The following DDX5 variants were observed in gnomAD, a reference collection of about 807,000 sequenced individuals.
The protein encoded by DDX5 is DEAD-box helicase 5, also known as probable ATP-dependent RNA helicase DDX5.
In DDX5, 6 loss-of-function variants were observed where a neutral mutation model predicts 68.6. The observed-to-expected ratio is 0.09, with a 90% CI of 0.05 to 0.17. The LOEUF (loss-of-function observed/expected upper bound fraction) is 0.17. Among genes scored for constraint, DDX5 ranks in the 10% least tolerant of loss-of-function variants. DDX5 has a pLI of 1.00. For synonymous variants in DDX5, 350 were observed against 247.0 expected, an observed-to-expected ratio of 1.42 and a Z score of -3.91; for missense variants, 499 against 756.1, an observed-to-expected ratio of 0.66 and a Z score of 3.99.
chr17:64,503,680 G>A (rs2038353565), intron 5 of DDX5, 109 bp from the exon 6 acceptor site: 3 of 1,537,430 alleles, frequency 2.0e-6, no homozygotes, highest in Admixed American at 1.9e-5. Context: ...ACCCAAAACA[G>A]CTCCAGCTGA....
At position 64,499,832 on chromosome 17, in the gene DDX5, T is replaced by C. The variant is rs2038250161; in HGVS notation, c.*91A>G. The stretch of plus-strand genomic sequence containing the variant: ...GCTGCACTGCAGTCATTTCTGCAAT[T>C]CCCATGTTTCTTAAATAACTATCTT... On this transcript the variant is annotated 3_prime_UTR_variant, in exon 13 of 13. Transcript: ENST00000225792. 3 of 1,265,904 alleles carry C rather than the reference T, an allele frequency of 2.4e-6. No individual in the cohort carries two copies. In the South Asian group the frequency reaches 5.1e-5, roughly 22 times the overall value. The allele number at this position is 1,265,904 out of a possible 1,614,324, so 78.4% of individuals were successfully genotyped here. A position where few individuals can be genotyped will look rare whatever the true frequency, so the allele number is the denominator to read the frequency against.
Position 64,499,224 on chromosome 17 carries a change from GCTT to G in DDX5, c.*696_*698del, listed in dbSNP as rs557024375. ...CTCTTGAAAAAGCCAGTTATTTGGA[GCTT>G]TTTAAATTATAAACTTTGAAAAAGT... On this transcript the variant is annotated 3_prime_UTR_variant, in exon 13 of 13. Coordinates refer to ENST00000225792, the MANE Select transcript of DDX5 (RefSeq NM_004396.5). 2.2e-4 allele frequency among the ~76,000 whole-genome samples: 33 copies of G among 152,274 alleles called. No individual in the cohort carries two copies. Among genetic ancestry groups the G allele is most frequent in the Non-Finnish European group, 4.6e-4 (31 of 68,016 alleles).
rs564959893 is a variant in DDX5 at position 64,504,335 on chromosome 17, AAC to A, written c.211-19_211-18del. The A allele has an allele frequency of 1.1e-4, 182 of 1,604,728 alleles. No individual in the cohort carries two copies. In the African/African-American group the frequency reaches 2.0e-3, roughly 17 times the overall value. ...CACCTCTTGCTGCAAAACAAATTAT[AAC>A]AGTCTTAAAATTCATGACAACCACC... On this transcript the variant is annotated intron_variant, in intron 2 of 12. Transcript: ENST00000225792.
chr17:64,501,795 C>T, intron 11 of DDX5: 1 of 587,088 alleles, frequency 1.7e-6, no homozygotes, highest in South Asian at 2.2e-5. Context: ...GCTTTTTCAC[C>T]TCTCTAATCG....
chr17:64,506,504 T>C (rs78841668), upstream of DDX5: 867 of 830,212 alleles, frequency 1.0e-3, 8 homozygotes, highest in East Asian at 0.024. Context: ...CTGCACTCTC[T>C]TGACCTCACC....
chr17:64,506,600 T>C, upstream of DDX5: 1 of 393,290 alleles, frequency 2.5e-6, no homozygotes, highest in South Asian at 2.8e-5. Context: ...CGGAGATGTT[T>C]ACGTCTCCAA....
In DDX5 at chr17:64,504,318, G is replaced by C. The variant is rs1598151735; in HGVS notation, c.211C>G (p.Gln71Glu). 3 of 1,612,746 alleles carry C rather than the reference G, an allele frequency of 1.9e-6. No individual in the cohort carries two copies. Among genetic ancestry groups the C allele is most frequent in the East Asian group, 2.2e-5 (1 of 44,866 alleles). The part of the protein sequence containing the change: ...EHPDLARRTA[Q>E]EVETYRRSKE... ...CTTCTTCTGTATGTTTCCACCTCTTGCTGCAAAACAAATTATAACAGTCTT... is the reference window on the plus strand; with the variant it reads ...CTTCTTCTGTATGTTTCCACCTCTTCCTGCAAAACAAATTATAACAGTCTT... Residue 71 changes from glutamine to glutamate, a missense_variant and splice_region_variant, in exon 3 of 13, where the codon CAA (glutamine) becomes GAA (glutamate). By Grantham distance (29) the Gln-to-Glu change is conservative (BLOSUM62 2). Around this residue, in one of 5 missense-constraint regions of DDX5, gnomAD observed 140 missense variants for 135.7 expected, o/e 1.03. Coordinates refer to ENST00000225792, the MANE Select transcript of DDX5 (RefSeq NM_004396.5).
rs781815210 is a variant in DDX5, at chr17:64,503,947, T to C, written c.441+36A>G. On this transcript the variant is annotated intron_variant, in intron 4 of 12. Coordinates refer to ENST00000225792, the MANE Select transcript of DDX5 (RefSeq NM_004396.5). ...TAAATTACCATTACATTTTCTTGCA[T>C]ATATCAGATCAACTCAAGAGTTCTC... 21 of 1,614,050 alleles carry C rather than the reference T, an allele frequency of 1.3e-5. No homozygotes were observed. The South Asian group carries it at 1.9e-4, about 14-fold the overall frequency.
At chr17:64,502,274 C>T (rs1002450072) in intron 9 of DDX5, 51 bp from the exon 10 acceptor site, 1 of 1,598,168 alleles carries the variant, frequency 6.3e-7, no homozygotes, top group Admixed American at 1.7e-5. Flanking sequence ...AAACCTCAGA[C>T]TCCAGTGCTT....
At chr17:64,501,081 C>T in intron 11 of DDX5, 1 of 408,464 alleles carries the variant, frequency 2.4e-6, no homozygotes, top group Non-Finnish European at 4.5e-6. Flanking sequence ...CATCTGAATG[C>T]TTCTGCGCAG....
At position 64,503,106 on chromosome 17, in the gene DDX5, A is replaced by G; in HGVS notation, c.811-8T>C. The G allele has an allele frequency of 6.2e-7, 1 of 1,611,800 alleles. No homozygotes were observed. The highest frequency in any genetic ancestry group is 2.2e-5 in the East Asian group (1 of 44,836). On this transcript the variant is annotated splice_region_variant and splice_polypyrimidine_tract_variant and intron_variant, in intron 7 of 12. Transcript: ENST00000225792. ...TAGAGTTTGCCTATCAGGCTAATGG[A>G]TTTTGGGGGGAAAAATTAGTATCAG...
At chr17:64,506,423 TCGCCGCGCTTTCACCCCTCCCCG>T (rs2038528581), upstream of DDX5, 1 of 1,373,840 alleles carries the variant, frequency 7.3e-7, no homozygotes, top group Non-Finnish European at 9.4e-7. Flanking sequence ...CGTTCCAGGA[TCGCCGCGCTTTCACCCCTCCCCG>T]CGCCACTCTC....
chr17:64,505,236 A>G (rs552792732), intron 1 of DDX5: 1 of 256,692 alleles, frequency 3.9e-6, no homozygotes, highest in East Asian at 8.4e-5. Flanking sequence ...CATCACGACG[A>G]TGTTACTCAT....
In DDX5 at chr17:64,502,388, T is replaced by G. The variant is rs782064342; in HGVS notation, c.1094+51A>C. ...CACTGCTCGTGATCCAAGTTTGCCC[T>G]TTCCTAAGCTGTTTTAATCAATCTG... On this transcript the variant is annotated intron_variant, in intron 9 of 12. Transcript: ENST00000225792. 10 of 1,497,712 alleles carry G rather than the reference T, an allele frequency of 6.7e-6. No homozygotes were observed. In the Admixed American group the frequency reaches 1.7e-4, roughly 26 times the overall value. 92.8% of individuals were successfully genotyped at this position (1,497,712 alleles called of 1,614,324 possible).
chr17:64,498,833 A>G lies in DDX5; in HGVS notation c.*1090T>C, dbSNP rs2038221964. Among the ~76,000 whole-genome samples the G allele has an allele frequency of 6.6e-6, 1 of 152,228 alleles. No homozygotes were observed. The highest frequency in any genetic ancestry group is 2.1e-4 in the South Asian group (1 of 4,822). On this transcript the variant is annotated 3_prime_UTR_variant, in exon 13 of 13. Transcript: ENST00000225792. ...CTATCCCCTGGATCTTTCTAGCAAT[A>G]AACCCATGTTGAACCTACCATGAAA...
intron 12 of DDX5, 107 bp downstream of exon 12, chr17:64,500,442 T>TG: frequency 6.6e-7 from 1 of 1,520,222 alleles, no homozygotes; most frequent in South Asian, 1.2e-5. Flanking sequence ...TTTTTCAGCT[T>TG]AAGTTTTCAC....
At position 64,500,667 on chromosome 17, in the gene DDX5, T is replaced by A. The variant is rs1461740453; in HGVS notation, c.1323A>T (p.Ala441=). The change falls in exon 12 of 13, where the codon GCA becomes GCT. Residue 441 remains alanine (A), a synonymous_variant. Transcript: ENST00000225792. The part of the protein sequence containing the change: ...RTARSTKTGT[A]YTFFTPNNIK... Reference sequence around the variant, plus strand: ...TGTTATTAGGTGTAAAGAAAGTGTATGCTGTGCCTGTTTTGGTACTGCGAG... The same window carrying A: ...TGTTATTAGGTGTAAAGAAAGTGTAAGCTGTGCCTGTTTTGGTACTGCGAG... 1 of 1,614,220 alleles carries A rather than the reference T, an allele frequency of 6.2e-7. No individual in the cohort carries two copies. Among genetic ancestry groups the A allele is most frequent in the South Asian group, 1.1e-5 (1 of 91,088 alleles).
rs782647646 is a variant in DDX5, at chr17:64,502,559, G to A, written c.984-10C>T. 2.0e-5 allele frequency: 31 copies of A among 1,585,398 alleles called. No homozygotes were observed. The highest frequency in any genetic ancestry group is 6.8e-5 in the Admixed American group (4 of 58,828). ...CATTAGACGAATAAGTCTAATAATA[G>A]GAGAGAGAAAGGAAAAATCCTGAGT... On this transcript the variant is annotated splice_polypyrimidine_tract_variant and intron_variant, in intron 8 of 12. Transcript: ENST00000225792.
Position 64,504,280 on chromosome 17 carries a change from T to G in DDX5, c.249A>C (p.Thr83=), listed in dbSNP as rs148681925. 2 of 1,614,012 alleles carry G rather than the reference T, an allele frequency of 1.2e-6. No homozygotes were observed. Among genetic ancestry groups the G allele is most frequent in the East Asian group, 4.5e-5 (2 of 44,890 alleles). ...VETYRRSKEI[T]VRGHNCPKPV... ...GCTTCGGGCAGTTGTGACCTCTAAC[T>G]GTAATTTCCTTGCTTCTTCTGTATG... The change falls in exon 3 of 13, where the codon ACA becomes ACC. Residue 83 remains threonine (T), a synonymous_variant. Coordinates refer to ENST00000225792, the MANE Select transcript of DDX5 (RefSeq NM_004396.5).
Sources: gnomAD v4.1 joint callset for allele counts (sites outside exome capture counted in the v4.1 genomes callset) on GRCh38, gnomAD v4.1.1 for gene constraint, gnomAD v4.1.1 regional missense constraint, MANE v1.5 for transcripts, NCBI Gene and HGNC (gene_info 2026-07-23, HGNC 2026-07-21) for gene names.